The following SYNGR4 variants were observed in gnomAD, a reference collection of about 807,000 sequenced individuals.
SYNGR4 encodes the protein synaptogyrin-4.
A neutral mutation model predicts 15.5 loss-of-function variants in SYNGR4; 15 were observed. That is an observed-to-expected ratio of 0.97 (90% CI 0.65 to 1.49). The LOEUF is 1.49. Ranked by LOEUF, SYNGR4 falls within the 40% of genes most tolerant of loss-of-function variation. The probability of loss-of-function intolerance (pLI) is 0.00; values close to 1 mark genes in which losing one functional copy is unlikely to be tolerated. For synonymous variants in SYNGR4, 121 were observed against 127.4 expected, an observed-to-expected ratio of 0.95 and a Z score of 0.34; for missense variants, 292 against 299.3, an observed-to-expected ratio of 0.98 and a Z score of 0.18.
chr19:48,365,761 G>GC lies in SYNGR4; in HGVS notation c.-77dup. 1 of 1,429,856 alleles carries GC rather than the reference G, an allele frequency of 7.0e-7. No individual in the cohort carries two copies. 88.6% of individuals were successfully genotyped at this position (1,429,856 alleles called of 1,614,324 possible). A position where few individuals can be genotyped will look rare whatever the true frequency, so the allele number is the denominator to read the frequency against. The stretch of plus-strand genomic sequence containing the variant: ...CAGCCAAGCCCAGGGCTGGCCTGAA[G>GC]CCCCCGGACGGCAGTGCCCAGCAGG... On this transcript the variant is annotated 5_prime_UTR_variant, in exon 2 of 5. Transcript: ENST00000344846.
Position 48,375,708 on chromosome 19 carries a change from G to A in SYNGR4, c.427G>A (p.Ala143Thr). 1 of 1,614,044 alleles carries A rather than the reference G, an allele frequency of 6.2e-7. No homozygotes were observed. The highest frequency in any genetic ancestry group is 8.5e-7 in the Non-Finnish European group (1 of 1,179,934). Reference protein sequence around the residue: ...PKEFLLGSSSAQAAIAFTFFS... With the variant: ...PKEFLLGSSSTQAAIAFTFFS... ...AGAGTTCCTCCTGGGGAGCAGCAGT[G>A]CCCAGGCAGCCATCGCCTTCACCTT... is the stretch of plus-strand genomic sequence containing the variant. The change falls in exon 4 of 5, where the codon GCC becomes ACC. Residue 143 changes from alanine to threonine, a missense_variant. By Grantham distance (58) the Ala-to-Thr change is moderately conservative. Coordinates refer to ENST00000344846, the MANE Select transcript of SYNGR4 (RefSeq NM_012451.4).
At chr19:48,367,522 A>G (rs973807057) in intron 2 of SYNGR4, among the ~76,000 whole-genome samples, 1 of 152,130 alleles carries the variant, frequency 6.6e-6, no homozygotes, top group South Asian at 2.1e-4. Context: ...ACGCAGTAAC[A>G]GGCAGGGGCA....
At chr19:48,366,508 C>A (rs902509861) in intron 2 of SYNGR4, among the ~76,000 whole-genome samples, 1 of 152,014 alleles carries the variant, frequency 6.6e-6, no homozygotes, top group Admixed American at 6.5e-5. Context: ...TGGGTTCAAG[C>A]GATTCTCCTG....
intron 2 of SYNGR4, among the ~76,000 whole-genome samples, chr19:48,366,737 T>C (rs1212789809): frequency 6.6e-6 from 1 of 152,126 alleles, no homozygotes; most frequent in Non-Finnish European, 1.5e-5. Context: ...GGATGTCCAG[T>C]GGGGTAGCCA....
chr19:48,373,277 G>C, intron 2 of SYNGR4: 1 of 538,342 alleles, frequency 1.9e-6, no homozygotes, highest in South Asian at 2.1e-5. Flanking sequence ...GACTGGAGGT[G>C]GGGAGGCTGG....
intron 2 of SYNGR4, among the ~76,000 whole-genome samples, chr19:48,369,078 C>T (rs893550895): frequency 7.2e-5 from 11 of 152,156 alleles, no homozygotes; most frequent in African/African-American, 2.2e-4. Context: ...CCATGCCAGA[C>T]GTTCTGGTCA....
At chr19:48,373,213 A>G (rs1970336826) in intron 2 of SYNGR4, 2 of 372,210 alleles carry the variant, frequency 5.4e-6, no homozygotes, top group East Asian at 1.1e-4. Context: ...AGGGAGGGGC[A>G]GGGTGTGGAA....
intron 2 of SYNGR4, among the ~76,000 whole-genome samples, chr19:48,368,391 T>A (rs937861437): frequency 3.9e-5 from 6 of 152,170 alleles, no homozygotes; most frequent in African/African-American, 1.4e-4. Flanking sequence ...TTTCTTTTTC[T>A]TTCTTTTTTT....
chr19:48,370,462 G>C (rs1486064897), intron 2 of SYNGR4, among the ~76,000 whole-genome samples: 2 of 152,116 alleles, frequency 1.3e-5, no homozygotes, highest in Non-Finnish European at 2.9e-5. Flanking sequence ...CGGCCTGCAA[G>C]ACACAGTGAG....
chr19:48,368,715 G>A (rs898313490), intron 2 of SYNGR4, among the ~76,000 whole-genome samples: 1 of 149,500 alleles, frequency 6.7e-6, no homozygotes, highest in African/African-American at 2.6e-5. Flanking sequence ...AATCATTACC[G>A]TGTGTGAGGA....
At chr19:48,373,805 C>A in intron 3 of SYNGR4, 51 bp downstream of exon 3, 1 of 1,581,168 alleles carries the variant, frequency 6.3e-7, no homozygotes, top group Non-Finnish European at 8.7e-7. Flanking sequence ...CCGCTCACAG[C>A]CCTCCTGGCT....
In SYNGR4 at chr19:48,365,774, A is replaced by C. The variant is rs1236256075; in HGVS notation, c.-69A>C. ...GGCTGGCCTGAAGCCCCCGGACGGC[A>C]GTGCCCAGCAGGCAGCGCCCAGCAC... On this transcript the variant is annotated 5_prime_UTR_variant, in exon 2 of 5. Transcript: ENST00000344846. The C allele has an allele frequency of 2.6e-6, 4 of 1,544,334 alleles. No individual in the cohort carries two copies. The Admixed American group carries it at 6.7e-5, about 26-fold the overall frequency.
chr19:48,376,274 A>ACCGCT lies in SYNGR4; in HGVS notation c.664_668dup (p.Lys224LeufsTer9). ...TAGCTCTGCCCTGTCCCCCTGTCTG[A>ACCGCT]CCGCTCCAAAGTCCCCCCGGCTTGC... On this transcript the variant is annotated frameshift_variant, in exon 5 of 5. Coordinates refer to ENST00000344846, the MANE Select transcript of SYNGR4 (RefSeq NM_012451.4). LOFTEE classifies it high-confidence loss of function. 1.9e-6 allele frequency: 3 copies of ACCGCT among 1,612,960 alleles called. No individual in the cohort carries two copies. Among genetic ancestry groups the ACCGCT allele is most frequent in the Non-Finnish European group, 2.5e-6 (3 of 1,179,716 alleles).
At chr19:48,371,343 C>T (rs1313044282) in intron 2 of SYNGR4, among the ~76,000 whole-genome samples, 1 of 144,776 alleles carries the variant, frequency 6.9e-6, no homozygotes, top group Non-Finnish European at 1.5e-5. Context: ...CCAGCCTCCT[C>T]CCCACCACCC....
At chr19:48,370,123 G>T (rs1970282151) in intron 2 of SYNGR4, among the ~76,000 whole-genome samples, 1 of 89,432 alleles carries the variant, frequency 1.1e-5, no homozygotes, top group Non-Finnish European at 2.1e-5. Context: ...CAAGAGTCAA[G>T]ACAAGCCAAA....
chr19:48,375,711 C>T lies in SYNGR4; in HGVS notation c.430C>T (p.Gln144Ter), dbSNP rs1172875165. ...KEFLLGSSSA[Q>*]AAIAFTFFSI... is the part of the protein sequence containing the mutation. ...GTTCCTCCTGGGGAGCAGCAGTGCC[C>T]AGGCAGCCATCGCCTTCACCTTCTT... The change falls in exon 4 of 5, where the codon CAG becomes TAG. Residue 144 changes from glutamine (Q) to a stop codon, truncating the protein, a stop_gained. Coordinates refer to ENST00000344846, the MANE Select transcript of SYNGR4 (RefSeq NM_012451.4). LOFTEE classifies it low-confidence loss of function (END_TRUNC). 2 of 1,614,034 alleles carry T rather than the reference C, an allele frequency of 1.2e-6. No individual in the cohort carries two copies. Among genetic ancestry groups the T allele is most frequent in the Non-Finnish European group, 8.5e-7 (1 of 1,179,926 alleles).
intron 2 of SYNGR4, among the ~76,000 whole-genome samples, chr19:48,366,209 A>G (rs919717175): frequency 6.6e-6 from 1 of 152,040 alleles, no homozygotes; most frequent in Non-Finnish European, 1.5e-5. Context: ...TAGAAAAGTT[A>G]AGTAAATTTT....
In SYNGR4 at chr19:48,370,554, G is replaced by A. The variant is rs918969778; in HGVS notation, c.94-2963G>A. Among the ~76,000 whole-genome samples, 10 of 152,188 alleles carry A rather than the reference G, an allele frequency of 6.6e-5. No individual in the cohort carries two copies. In the East Asian group the frequency reaches 9.7e-4, roughly 15 times the overall value. On this transcript the variant is annotated intron_variant, in intron 2 of 4. Coordinates refer to ENST00000344846, the MANE Select transcript of SYNGR4 (RefSeq NM_012451.4). Reference sequence around the variant, plus strand: ...GAAGAGTTCCAATTCTAACGAAGGGGAGATTTTCTTTTTCTTCTCTTTTGA... The same window carrying A: ...GAAGAGTTCCAATTCTAACGAAGGGAAGATTTTCTTTTTCTTCTCTTTTGA...
intron 3 of SYNGR4, among the ~76,000 whole-genome samples, chr19:48,374,157 A>T (rs1970362539): frequency 6.9e-6 from 1 of 145,000 alleles, no homozygotes; most frequent in Non-Finnish European, 1.5e-5. Flanking sequence ...GGCTCACTGC[A>T]ACCTCCGCCT....
Sources: gnomAD v4.1 joint callset for allele counts (sites outside exome capture counted in the v4.1 genomes callset) on GRCh38, gnomAD v4.1.1 for gene constraint, MANE v1.5 for transcripts, NCBI Gene and HGNC (gene_info 2026-07-23, HGNC 2026-07-21) for gene names.